Variants in CDC42SE2 observed in about 807,000 individuals in gnomAD.
The protein encoded by CDC42SE2 is CDC42 small effector 2, also known as CDC42 small effector protein 2.
CDC42SE2 carries 3 observed loss-of-function variants against 11.5 expected under a neutral mutation model. The ratio of observed to expected loss-of-function variants is 0.26; its 90% confidence interval spans 0.12 to 0.67. CDC42SE2 has a LOEUF of 0.67. Ranked by LOEUF, CDC42SE2 falls within the 30% of genes least tolerant of loss-of-function variation. The pLI is 0.80. For missense variants in CDC42SE2, 82 were observed against 106.8 expected (o/e 0.77, Z 1.02); for synonymous variants, 33 against 34.8 (o/e 0.95, Z 0.18).
At chr5:131,320,824 C>G (rs1580752525) in intron 2 of CDC42SE2, among the ~76,000 whole-genome samples, 1 of 152,044 alleles carries the variant, frequency 6.6e-6, no homozygotes, top group East Asian at 1.9e-4. Flanking sequence ...AAAAAGAGTC[C>G]CAAATTCATA....
At chr5:131,354,480 A>G (rs2149766200) in intron 2 of CDC42SE2, among the ~76,000 whole-genome samples, 1 of 152,264 alleles carries the variant, frequency 6.6e-6, no homozygotes, top group East Asian at 1.9e-4. Context: ...TGCATCTCTA[A>G]ACAAAATAGT....
intron 2 of CDC42SE2, among the ~76,000 whole-genome samples, chr5:131,316,713 G>T (rs1012690652): frequency 4.6e-5 from 7 of 152,232 alleles, no homozygotes; most frequent in Admixed American, 1.3e-4. Flanking sequence ...CCTGAAGGTG[G>T]TGCCTTATGT....
intron 1 of CDC42SE2, among the ~76,000 whole-genome samples, chr5:131,281,603 T>C (rs994575673): frequency 9.2e-5 from 14 of 152,218 alleles, no homozygotes; most frequent in Non-Finnish European, 1.8e-4. Context: ...TTAAGATTTA[T>C]TTTGTGAACA....
intron 1 of CDC42SE2, among the ~76,000 whole-genome samples, chr5:131,280,286 T>C (rs933143242): frequency 1.3e-5 from 2 of 152,148 alleles, no homozygotes; most frequent in East Asian, 3.8e-4. Flanking sequence ...AAGGAAAAAG[T>C]TTTAATCCTA....
chr5:131,383,545 A>C (rs868717853), intron 3 of CDC42SE2, among the ~76,000 whole-genome samples: 107 of 152,256 alleles, frequency 7.0e-4, no homozygotes, highest in African/African-American at 2.4e-3. Flanking sequence ...TAATAATACA[A>C]CTTTTTCAGA....
chr5:131,375,337 T>C (rs1443677791), intron 3 of CDC42SE2, among the ~76,000 whole-genome samples: 3 of 150,098 alleles, frequency 2.0e-5, no homozygotes, highest in African/African-American at 7.5e-5. Flanking sequence ...TACTAAACCC[T>C]AAAGGACAGA....
In CDC42SE2 at chr5:131,394,182, T is replaced by A. The variant is rs1187092542; in HGVS notation, c.*3091T>A. 6.6e-6 allele frequency: 1 copy of A among 152,354 alleles called. No homozygotes were observed. Among genetic ancestry groups the A allele is most frequent in the Non-Finnish European group, 1.5e-5 (1 of 68,034 alleles). 9.4% of individuals were successfully genotyped at this position (152,354 alleles called of 1,614,324 possible). A position where few individuals can be genotyped will look rare whatever the true frequency, so the allele number is the denominator to read the frequency against. On this transcript the variant is annotated 3_prime_UTR_variant, in exon 5 of 5. Transcript: ENST00000505065. ...AGCGAATTAAATAGGATTTTACTACTCAACATTCATTATACTGTTAATCTT... is the reference window on the plus strand; with the variant it reads ...AGCGAATTAAATAGGATTTTACTACACAACATTCATTATACTGTTAATCTT...
intron 2 of CDC42SE2, among the ~76,000 whole-genome samples, chr5:131,256,523 C>A (rs1580716202): frequency 6.6e-6 from 1 of 152,198 alleles, no homozygotes; most frequent in Admixed American, 6.5e-5. Flanking sequence ...ACAGCATGGC[C>A]AGGTTCTCTG....
At chr5:131,299,378 A>C (rs1757635178) in intron 1 of CDC42SE2, among the ~76,000 whole-genome samples, 1 of 152,142 alleles carries the variant, frequency 6.6e-6, no homozygotes, top group African/African-American at 2.4e-5. Context: ...TCTACTGGTG[A>C]CTTAGTGTTG....
chr5:131,232,933 TAAA>T, the CDC42SE2 span, among the ~76,000 whole-genome samples: 1 of 141,664 alleles, frequency 7.1e-6, no homozygotes, highest in Non-Finnish European at 1.6e-5. Context: ...CTGCACACAG[TAAA>T]AAAAAAAAGA....
At chr5:131,339,433 A>G (rs1247877991) in intron 2 of CDC42SE2, among the ~76,000 whole-genome samples, 3 of 152,088 alleles carry the variant, frequency 2.0e-5, no homozygotes, top group Admixed American at 6.6e-5. Context: ...AAACATATCT[A>G]TTTAAAATGT....
intron 1 of CDC42SE2, among the ~76,000 whole-genome samples, chr5:131,286,714 C>G (rs1757349470): frequency 6.6e-6 from 1 of 151,836 alleles, no homozygotes; most frequent in South Asian, 2.1e-4. Flanking sequence ...ATGATCTACT[C>G]CACTTAATGA....
chr5:131,367,428 A>G (rs1200010048), intron 3 of CDC42SE2, among the ~76,000 whole-genome samples: 1 of 152,210 alleles, frequency 6.6e-6, no homozygotes, highest in East Asian at 1.9e-4. Context: ...GATAGTGCCA[A>G]ATTATTTTGC....
At chr5:131,351,278 G>A (rs1389939068) in intron 2 of CDC42SE2, among the ~76,000 whole-genome samples, 2 of 150,762 alleles carry the variant, frequency 1.3e-5, no homozygotes, top group African/African-American at 4.9e-5. Context: ...TTCCTGAGAC[G>A]GAGTCTCGCT....
chr5:131,347,002 G>A (rs768055944), intron 2 of CDC42SE2, among the ~76,000 whole-genome samples: 4 of 152,324 alleles, frequency 2.6e-5, no homozygotes, highest in Middle Eastern at 6.8e-3. Flanking sequence ...AAAGCAGTGT[G>A]TAGAGGGAAA....
intron 1 of CDC42SE2, among the ~76,000 whole-genome samples, chr5:131,294,987 C>T (rs1181730102): frequency 6.6e-6 from 1 of 152,000 alleles, no homozygotes; most frequent in Admixed American, 6.6e-5. Flanking sequence ...ATTAGCCAGG[C>T]GTGATGGCAT....
chr5:131,210,776 G>C, the CDC42SE2 span, among the ~76,000 whole-genome samples: 2 of 152,240 alleles, frequency 1.3e-5, no homozygotes, highest in Admixed American at 6.5e-5. Context: ...GAGGATTTAT[G>C]TTGTGCATCA....
chr5:131,327,773 G>T (rs1758326958), intron 2 of CDC42SE2, among the ~76,000 whole-genome samples: 1 of 152,138 alleles, frequency 6.6e-6, no homozygotes, highest in Non-Finnish European at 1.5e-5. Context: ...AGATATTAAT[G>T]AGTTAAATTA....
chr5:131,226,081 A>G, the CDC42SE2 span, among the ~76,000 whole-genome samples: 22 of 152,192 alleles, frequency 1.4e-4, 1 homozygote, highest in Non-Finnish European at 2.9e-4. Context: ...GTCCTGGGGT[A>G]GCAAGGATCA....
Sources: allele counts gnomAD v4.1 joint callset (sites outside exome capture counted in the v4.1 genomes callset), GRCh38; gene constraint gnomAD v4.1.1; transcripts MANE v1.5; gene names NCBI Gene and HGNC (gene_info 2026-07-23, HGNC 2026-07-21).